NEK7: variants seen among roughly 807,000 people sequenced by gnomAD.
The protein encoded by NEK7 is NIMA related kinase 7, also known as serine/threonine-protein kinase Nek7.
A neutral mutation model predicts 44.6 loss-of-function variants in NEK7; 18 were observed. The observed-to-expected ratio is 0.40, with a 90% confidence interval of 0.28 to 0.60. The LOEUF is 0.60. Ranked by LOEUF, NEK7 falls within the 20% of genes least tolerant of loss-of-function variation. NEK7 has a pLI of 0.38. For missense variants in NEK7, 256 were observed against 366.5 expected (o/e 0.70, Z 2.46); for synonymous variants, 130 against 121.1 (o/e 1.07, Z -0.48).
At chr1:198,236,657 A>G (rs928985212) in intron 2 of NEK7, among the ~76,000 whole-genome samples, 4 of 152,094 alleles carry the variant, frequency 2.6e-5, no homozygotes, top group African/African-American at 9.7e-5. Context: ...TACCGTAGTT[A>G]TCCTCCTCCC....
At chr1:198,275,895 CAT>C (rs968212789) in intron 5 of NEK7, among the ~76,000 whole-genome samples, 2 of 151,290 alleles carry the variant, frequency 1.3e-5, no homozygotes, top group Non-Finnish European at 3.0e-5. Flanking sequence ...TTAAAAACCA[CAT>C]ATGTTTAAAC....
At chr1:198,251,842 A>AT (rs1478620410) in intron 2 of NEK7, among the ~76,000 whole-genome samples, 1 of 152,014 alleles carries the variant, frequency 6.6e-6, no homozygotes. Flanking sequence ...GGATTCATTA[A>AT]TTTTTTGAAG....
At position 198,185,632 on chromosome 1, in the gene NEK7, T is replaced by G. The variant is rs187502915; in HGVS notation, c.-29+28356T>G. Among the ~76,000 whole-genome samples the G allele has an allele frequency of 5.3e-5, 8 of 152,252 alleles. No individual in the cohort carries two copies. In the East Asian group the frequency reaches 9.6e-4, roughly 18 times the overall value. ...GCCACCTCTGACCATCCATGAAATGTAAGCTTTATAATGAGTGTGAGGACC... is the reference window on the plus strand; with the variant it reads ...GCCACCTCTGACCATCCATGAAATGGAAGCTTTATAATGAGTGTGAGGACC... On this transcript the variant is annotated intron_variant, in intron 1 of 9. Transcript: ENST00000367385.
At chr1:198,164,267 C>T (rs942791654) in intron 1 of NEK7, among the ~76,000 whole-genome samples, 3 of 152,170 alleles carry the variant, frequency 2.0e-5, no homozygotes, top group African/African-American at 7.2e-5. Context: ...CAGTACCAGG[C>T]CCCCAAGGGA....
At chr1:198,277,311 C>G (rs1260739866) in intron 5 of NEK7, among the ~76,000 whole-genome samples, 1 of 151,764 alleles carries the variant, frequency 6.6e-6, no homozygotes, top group Admixed American at 6.6e-5. Context: ...TATTTGCCCT[C>G]TTATGTGCCA....
At chr1:198,237,771 C>G (rs1666577185) in intron 2 of NEK7, among the ~76,000 whole-genome samples, 1 of 152,106 alleles carries the variant, frequency 6.6e-6, no homozygotes, top group South Asian at 2.1e-4. Context: ...AGTAGTTTCC[C>G]ATTGGCTTGC....
chr1:198,185,188 C>CTT (rs1664881051), intron 1 of NEK7, among the ~76,000 whole-genome samples: 1 of 113,216 alleles, frequency 8.8e-6, no homozygotes, highest in African/African-American at 3.5e-5. Context: ...TACATGCTGT[C>CTT]TATTTTTTTT....
chr1:198,231,333 A>ATG (rs1419432704), intron 1 of NEK7, among the ~76,000 whole-genome samples: 1 of 141,724 alleles, frequency 7.1e-6, no homozygotes, highest in Middle Eastern at 3.6e-3. Context: ...ATATATATAT[A>ATG]TATAAAAACA....
chr1:198,291,407 C>A (rs1329916013), intron 7 of NEK7, among the ~76,000 whole-genome samples: 1 of 152,108 alleles, frequency 6.6e-6, no homozygotes, highest in Non-Finnish European at 1.5e-5. Context: ...GTTAGAACTC[C>A]CAAAGCTAGA....
intron 9 of NEK7, among the ~76,000 whole-genome samples, chr1:198,317,902 G>GTTTTTTTTTTTT (rs1655423253): frequency 1.0e-4 from 1 of 9,918 alleles, no homozygotes; most frequent in Non-Finnish European, 2.6e-4. Context: ...TTTTTTTTTG[G>GTTTTTTTTTTTT]TAACCTGGTA....
intron 1 of NEK7, among the ~76,000 whole-genome samples, chr1:198,169,112 TGTTA>T (rs915997317): frequency 1.4e-4 from 21 of 152,240 alleles, no homozygotes; most frequent in Admixed American, 3.9e-4. Context: ...TAGCTCTATG[TGTTA>T]GTTTTTAAAA....
chr1:198,230,612 G>T (rs185399111), intron 1 of NEK7, among the ~76,000 whole-genome samples: 2 of 151,978 alleles, frequency 1.3e-5, no homozygotes, highest in African/African-American at 4.8e-5. Flanking sequence ...CTAAGATTAG[G>T]AAAAAGGAAA....
chr1:198,322,181 T>G lies in NEK7; in HGVS notation c.*2659T>G, dbSNP rs567958575. 20 of 152,306 alleles carry G rather than the reference T, an allele frequency of 1.3e-4. No homozygotes were observed. The highest frequency in any genetic ancestry group is 4.1e-4 in the African/African-American group (17 of 41,592). 9.4% of individuals were successfully genotyped at this position (152,306 alleles called of 1,614,324 possible). Reference sequence around the variant, plus strand: ...ACTATGATATTTATTTTAACCAAAATGTTACTCACATTAAATGTTTATTCT... The same window carrying G: ...ACTATGATATTTATTTTAACCAAAAGGTTACTCACATTAAATGTTTATTCT... On this transcript the variant is annotated 3_prime_UTR_variant, in exon 10 of 10. Coordinates refer to ENST00000367385, the MANE Select transcript of NEK7 (RefSeq NM_133494.3).
At chr1:198,316,125 A>G (rs1655360907) in intron 9 of NEK7, among the ~76,000 whole-genome samples, 1 of 152,234 alleles carries the variant, frequency 6.6e-6, no homozygotes, top group Admixed American at 6.5e-5. Context: ...CCGGAATTGA[A>G]TGATGTAAAT....
At chr1:198,234,444 T>G (rs1476447651) in intron 2 of NEK7, among the ~76,000 whole-genome samples, 2 of 152,160 alleles carry the variant, frequency 1.3e-5, no homozygotes, top group Non-Finnish European at 2.9e-5. Context: ...TGTTTCATAT[T>G]ATTTCCAGCA....
chr1:198,293,472 GCAAA>G (rs1186945285), intron 8 of NEK7, among the ~76,000 whole-genome samples: 1 of 151,898 alleles, frequency 6.6e-6, no homozygotes, highest in East Asian at 1.9e-4. Flanking sequence ...AGGATAGTAT[GCAAA>G]CAGATAGTTC....
At chr1:198,222,689 C>T (rs1666104452) in intron 1 of NEK7, among the ~76,000 whole-genome samples, 1 of 152,104 alleles carries the variant, frequency 6.6e-6, no homozygotes, top group Admixed American at 6.6e-5. Flanking sequence ...ATTCATTCAG[C>T]GATGTTTATC....
intron 1 of NEK7, among the ~76,000 whole-genome samples, chr1:198,183,166 C>T (rs1005297118): frequency 1.3e-5 from 2 of 152,198 alleles, no homozygotes; most frequent in South Asian, 2.1e-4. Flanking sequence ...AACCCTATAA[C>T]TCCCATCTGG....
chr1:198,213,274 A>C (rs968257115), intron 1 of NEK7, among the ~76,000 whole-genome samples: 5 of 152,232 alleles, frequency 3.3e-5, no homozygotes, highest in African/African-American at 1.2e-4. Flanking sequence ...ACCAGATTGC[A>C]GGCCTTGAGC....
Sources: gnomAD v4.1 joint callset for allele counts (sites outside exome capture counted in the v4.1 genomes callset) on GRCh38, gnomAD v4.1.1 for gene constraint, MANE v1.5 for transcripts, NCBI Gene and HGNC (gene_info 2026-07-23, HGNC 2026-07-21) for gene names.